The following ACBD6 variants were observed in gnomAD, a reference collection of about 807,000 sequenced individuals.
The protein encoded by ACBD6 is acyl-CoA binding domain containing 6.
A neutral mutation model predicts 37.2 loss-of-function variants in ACBD6; 28 were observed. That is an observed-to-expected ratio of 0.75 (90% CI 0.56 to 1.03). The LOEUF (loss-of-function observed/expected upper bound fraction) is 1.03, where lower values mean the gene tolerates loss of function less well. Among genes scored for constraint, ACBD6 ranks in the 50% least tolerant of loss-of-function variants. The pLI, the probability that ACBD6 is intolerant of heterozygous loss-of-function variation, is 0.00. For synonymous variants in ACBD6, 113 were observed against 126.8 expected (o/e 0.89, Z 0.73); for missense variants, 340 against 337.4 (o/e 1.01, Z -0.06).
chr1:180,364,736 C>T (rs57266845), intron 6 of ACBD6, among the ~76,000 whole-genome samples: 6,248 of 140,896 alleles, frequency 0.044, 443 homozygotes, highest in African/African-American at 0.15. Flanking sequence ...TCCTTTCTAT[C>T]TTTTTTTTTT....
intron 3 of ACBD6, chr1:180,435,112 G>T (rs1338688733): frequency 6.7e-6 from 5 of 748,290 alleles, no homozygotes; most frequent in Non-Finnish European, 1.2e-5. Flanking sequence ...CCTAACACTG[G>T]GGAAAAAAAA....
chr1:180,459,895 C>A (rs1348023825), intron 3 of ACBD6, among the ~76,000 whole-genome samples: 1 of 151,322 alleles, frequency 6.6e-6, no homozygotes, highest in Non-Finnish European at 1.5e-5. Context: ...TAGGGGAGTC[C>A]GAACCATTTA....
At chr1:180,471,533 G>T (rs1308262061) in intron 3 of ACBD6, among the ~76,000 whole-genome samples, 1 of 152,052 alleles carries the variant, frequency 6.6e-6, no homozygotes, top group African/African-American at 2.4e-5. Flanking sequence ...CCACATGGCT[G>T]GGGAGGCCTC....
At chr1:180,460,175 G>A (rs943554053) in intron 3 of ACBD6, among the ~76,000 whole-genome samples, 5 of 146,240 alleles carry the variant, frequency 3.4e-5, no homozygotes, top group African/African-American at 1.3e-4. Context: ...TGTTCCTTAA[G>A]TGGGTCCCCC....
intron 6 of ACBD6, among the ~76,000 whole-genome samples, chr1:180,396,101 C>A (rs1041972789): frequency 6.6e-6 from 1 of 152,016 alleles, no homozygotes; most frequent in Non-Finnish European, 1.5e-5. Context: ...TAGTCAAATT[C>A]ACAGAAATAG....
At chr1:180,497,648 T>C (rs1651790136) in intron 1 of ACBD6, among the ~76,000 whole-genome samples, 1 of 152,226 alleles carries the variant, frequency 6.6e-6, no homozygotes, top group Non-Finnish European at 1.5e-5. Flanking sequence ...TAAATAACAT[T>C]TCATGCAAAA....
intron 3 of ACBD6, among the ~76,000 whole-genome samples, chr1:180,445,028 C>T (rs1406032941): frequency 6.6e-6 from 1 of 152,182 alleles, no homozygotes; most frequent in African/African-American, 2.4e-5. Flanking sequence ...TATAGTCTAA[C>T]TGTAGAATGC....
chr1:180,310,420 TTAAA>T (rs1174394115), intron 7 of ACBD6, among the ~76,000 whole-genome samples: 14 of 152,336 alleles, frequency 9.2e-5, no homozygotes, highest in East Asian at 3.8e-4. Context: ...GGCTTACAGA[TTAAA>T]TAGTTTATTA....
At position 180,501,791 on chromosome 1, in the gene ACBD6, A is replaced by C. The variant is rs76857134; in HGVS notation, c.222+254T>G. ...TGGTAAAATGCAAGATCACTGAATA[A>C]GTCAGAGAAAAAAACACAAAAACAA... On this transcript the variant is annotated intron_variant, in intron 1 of 7. Coordinates refer to ENST00000367595, the MANE Select transcript of ACBD6 (RefSeq NM_032360.4). 2.0e-4 allele frequency among the ~76,000 whole-genome samples: 31 copies of C among 152,192 alleles called. 1 individual carries two copies. In the East Asian group the frequency reaches 6.0e-3, roughly 29 times the overall value.
At chr1:180,375,784 G>C (rs369942923) in intron 6 of ACBD6, among the ~76,000 whole-genome samples, 4 of 152,034 alleles carry the variant, frequency 2.6e-5, no homozygotes, top group African/African-American at 9.7e-5. Context: ...TCTTGAAAAG[G>C]CTTTTAATTA....
At chr1:180,438,912 C>A (rs1649169089) in intron 3 of ACBD6, among the ~76,000 whole-genome samples, 1 of 152,090 alleles carries the variant, frequency 6.6e-6, no homozygotes, top group African/African-American at 2.4e-5. Flanking sequence ...ACCTATTCAC[C>A]CTTCCCTCCC....
At chr1:180,274,468 C>T in intron 10 of ACBD6, 4 of 1,614,114 alleles carry the variant, frequency 2.5e-6, no homozygotes, top group Non-Finnish European at 3.4e-6. Flanking sequence ...CGCTGAGAGC[C>T]ATGGCTGGGG....
chr1:180,359,103 G>T (rs890616553), intron 6 of ACBD6, among the ~76,000 whole-genome samples: 26 of 152,154 alleles, frequency 1.7e-4, no homozygotes, highest in Non-Finnish European at 5.9e-5. Context: ...CTCCAGAAAA[G>T]TGCTGATTAC....
chr1:180,464,706 A>G (rs1220109569), intron 3 of ACBD6, among the ~76,000 whole-genome samples: 3 of 152,172 alleles, frequency 2.0e-5, no homozygotes, highest in Non-Finnish European at 4.4e-5. Flanking sequence ...TATGGAACCA[A>G]AAAGAGGGCC....
chr1:180,471,984 A>G (rs548268069), intron 3 of ACBD6, among the ~76,000 whole-genome samples: 6 of 152,246 alleles, frequency 3.9e-5, no homozygotes, highest in Non-Finnish European at 8.8e-5. Context: ...TCTCTCTCCC[A>G]CACATGCATG....
chr1:180,495,591 C>T, intron 1 of ACBD6, 66 bp from the exon 2 acceptor site: 2 of 1,272,120 alleles, frequency 1.6e-6, no homozygotes, highest in Non-Finnish European at 2.3e-6. Context: ...TTTTCCTTTT[C>T]AAATGTATTA....
chr1:180,375,742 C>T (rs1653407238), intron 6 of ACBD6, among the ~76,000 whole-genome samples: 1 of 152,128 alleles, frequency 6.6e-6, no homozygotes, highest in Non-Finnish European at 1.5e-5. Context: ...ACTATGAAAC[C>T]ATACGAGTAC....
intron 6 of ACBD6, among the ~76,000 whole-genome samples, chr1:180,360,371 G>A (rs898396522): frequency 5.9e-5 from 9 of 152,290 alleles, no homozygotes; most frequent in African/African-American, 2.2e-4. Flanking sequence ...TAACTGATTT[G>A]ATTCAAAATA....
intron 3 of ACBD6, among the ~76,000 whole-genome samples, chr1:180,482,270 T>C (rs138761047): frequency 1.3e-5 from 2 of 152,248 alleles, no homozygotes; most frequent in African/African-American, 2.4e-5. Flanking sequence ...CACAGATGAA[T>C]AGCAGCCAAT....
Sources: gnomAD v4.1 joint callset for allele counts (sites outside exome capture counted in the v4.1 genomes callset) on GRCh38, gnomAD v4.1.1 for gene constraint, MANE v1.5 for transcripts, NCBI Gene and HGNC (gene_info 2026-07-23, HGNC 2026-07-21) for gene names.